The following BIN3 variants were observed in gnomAD, a reference collection of about 807,000 sequenced individuals.
BIN3 encodes bridging integrator 3.
A neutral mutation model predicts 38.2 loss-of-function variants in BIN3; 41 were observed. The observed-to-expected ratio is 1.07, with a 90% CI of 0.84 to 1.39. The LOEUF (loss-of-function observed/expected upper bound fraction) is 1.39, where lower values mean the gene tolerates loss of function less well. BIN3 is among the 40% of genes most tolerant of loss of function. The pLI is 0.00. For synonymous variants in BIN3, 145 were observed against 122.6 expected (o/e 1.18, Z -1.21); for missense variants, 361 against 324.3 (o/e 1.11, Z -0.87).
At chr8:22,652,123 C>T (rs544299514) in intron 1 of BIN3, among the ~76,000 whole-genome samples, 1 of 152,060 alleles carries the variant, frequency 6.6e-6, no homozygotes, top group East Asian at 1.9e-4. Context: ...TTAACAACAG[C>T]TTTAATTAAA....
intron 1 of BIN3, among the ~76,000 whole-genome samples, chr8:22,649,516 G>A (rs1458474800): frequency 1.3e-5 from 2 of 152,112 alleles, no homozygotes; most frequent in African/African-American, 2.4e-5. Context: ...ACCCAGCCAC[G>A]ATTCCGCATC....
In BIN3 at chr8:22,630,649, G is replaced by A. The variant is rs939612543; in HGVS notation, c.161-71C>T. The A allele has an allele frequency of 5.2e-5, 82 of 1,567,256 alleles. No individual in the cohort carries two copies. The African/African-American group carries it at 7.2e-4, about 14-fold the overall frequency. On this transcript the variant is annotated intron_variant, in intron 4 of 8. Coordinates refer to ENST00000276416, the MANE Select transcript of BIN3 (RefSeq NM_018688.6). ...TTCACGGCCTTCTCTCCAGGACCCC[G>A]TCCTCCTATGCCAGGGGCCTGCACC...
chr8:22,667,810 G>C (rs1261140827), intron 1 of BIN3, among the ~76,000 whole-genome samples: 1 of 152,122 alleles, frequency 6.6e-6, no homozygotes, highest in East Asian at 1.9e-4. Context: ...CTTGGTCTAA[G>C]AAACAGGTGG....
At chr8:22,622,396 T>G (rs990116289) in intron 8 of BIN3, 2 of 152,246 alleles carry the variant, frequency 1.3e-5, no homozygotes, top group Non-Finnish European at 2.9e-5. Context: ...CGGCTGATAC[T>G]CCTGAGGCGA....
At chr8:22,644,886 T>C in intron 1 of BIN3, 83 bp from the exon 2 acceptor site, 2 of 1,274,658 alleles carry the variant, frequency 1.6e-6, no homozygotes, top group Non-Finnish European at 2.2e-6. Flanking sequence ...ACAGGCCACT[T>C]TCCCCCAGGA....
intron 1 of BIN3, among the ~76,000 whole-genome samples, chr8:22,657,313 A>G (rs957200309): frequency 1.3e-5 from 2 of 152,258 alleles, no homozygotes; most frequent in Non-Finnish European, 2.9e-5. Flanking sequence ...GAAAGGTAGT[A>G]TCATTGTCTT....
rs1170070585 is a variant in BIN3, at chr8:22,621,184, TAAA to T, written c.*235_*237del. The stretch of plus-strand genomic sequence containing the variant: ...GATGCATGCTGGACGGTTCTCCAAA[TAAA>T]AAAGCCCCAAGGGTTTGTCTACACT... On this transcript the variant is annotated 3_prime_UTR_variant, in exon 9 of 9. Transcript: ENST00000276416. 7 of 539,268 alleles carry T rather than the reference TAAA, an allele frequency of 1.3e-5. No individual in the cohort carries two copies. Among genetic ancestry groups the T allele is most frequent in the Non-Finnish European group, 2.0e-5 (6 of 305,018 alleles). The allele number at this position is 539,268 out of a possible 1,614,324, so 33.4% of individuals were successfully genotyped here.
intron 1 of BIN3, among the ~76,000 whole-genome samples, chr8:22,645,926 T>G (rs1802700177): frequency 6.6e-6 from 1 of 152,234 alleles, no homozygotes; most frequent in Non-Finnish European, 1.5e-5. Context: ...AGCCCAAGTC[T>G]GCCTTGGACT....
In BIN3 at chr8:22,629,959, C is replaced by G; in HGVS notation, c.338+5G>C. ...CCCCGAGGCCCCCAGGTGACATTTA[C>G]TCACTTTTTTAAGGGCTCGATCACA... On this transcript the variant is annotated splice_donor_5th_base_variant and intron_variant, in intron 6 of 8. Coordinates refer to ENST00000276416, the MANE Select transcript of BIN3 (RefSeq NM_018688.6). 6.2e-7 allele frequency: 1 copy of G among 1,606,520 alleles called. No homozygotes were observed. Among genetic ancestry groups the G allele is most frequent in the Non-Finnish European group, 8.5e-7 (1 of 1,176,012 alleles).
At chr8:22,664,927 C>T (rs1803364321) in intron 1 of BIN3, among the ~76,000 whole-genome samples, 2 of 152,222 alleles carry the variant, frequency 1.3e-5, no homozygotes, top group Non-Finnish European at 2.9e-5. Context: ...CAGAAGTTTA[C>T]CTTCTTTATA....
chr8:22,659,864 C>A (rs1421147458), intron 1 of BIN3, among the ~76,000 whole-genome samples: 1 of 152,318 alleles, frequency 6.6e-6, no homozygotes, highest in Non-Finnish European at 1.5e-5. Context: ...CAGATCTTGA[C>A]ACACAGTAAG....
At chr8:22,650,181 A>G (rs1354323101) in intron 1 of BIN3, among the ~76,000 whole-genome samples, 1 of 152,232 alleles carries the variant, frequency 6.6e-6, no homozygotes, top group Admixed American at 6.5e-5. Flanking sequence ...GTGTGCACTA[A>G]GAGTCATACA....
At chr8:22,642,182 AG>A (rs1802584822) in intron 2 of BIN3, among the ~76,000 whole-genome samples, 1 of 152,178 alleles carries the variant, frequency 6.6e-6, no homozygotes, top group Non-Finnish European at 1.5e-5. Flanking sequence ...TTCCCATGAC[AG>A]GGGCTCCATG....
At chr8:22,651,559 T>C (rs949867660) in intron 1 of BIN3, among the ~76,000 whole-genome samples, 3 of 152,238 alleles carry the variant, frequency 2.0e-5, no homozygotes, top group Non-Finnish European at 2.9e-5. Context: ...TTCTTCTACC[T>C]GCAGGCTAAT....
At chr8:22,662,677 T>C (rs1803272233) in intron 1 of BIN3, among the ~76,000 whole-genome samples, 1 of 152,210 alleles carries the variant, frequency 6.6e-6, no homozygotes, top group Admixed American at 6.5e-5. Context: ...GTTTTCAAAC[T>C]TGAGGTCTTT....
At chr8:22,657,669 C>A (rs1193656767) in intron 1 of BIN3, among the ~76,000 whole-genome samples, 1 of 152,298 alleles carries the variant, frequency 6.6e-6, no homozygotes, top group East Asian at 1.9e-4. Flanking sequence ...ATTCTCCCTG[C>A]GATGAAATGG....
intron 5 of BIN3, 113 bp downstream of exon 5, chr8:22,630,329 G>A (rs1482372925): frequency 2.8e-6 from 4 of 1,440,644 alleles, no homozygotes; most frequent in African/African-American, 2.8e-5. Context: ...AGGCCAGAGG[G>A]CTTAGAGCCC....
chr8:22,646,543 T>A (rs1368147441), intron 1 of BIN3, among the ~76,000 whole-genome samples: 3 of 151,940 alleles, frequency 2.0e-5, no homozygotes, highest in Non-Finnish European at 4.4e-5. Context: ...TGAGTCACAG[T>A]GGTTTAAATT....
intron 4 of BIN3, among the ~76,000 whole-genome samples, chr8:22,633,159 G>A (rs779121180): frequency 5.3e-5 from 8 of 152,210 alleles, no homozygotes; most frequent in Non-Finnish European, 1.2e-4. Context: ...CAGAGCTGGG[G>A]TAGATGACAC....
Sources: allele counts gnomAD v4.1 joint callset (sites outside exome capture counted in the v4.1 genomes callset), GRCh38; gene constraint gnomAD v4.1.1; transcripts MANE v1.5; gene names NCBI Gene and HGNC (gene_info 2026-07-23, HGNC 2026-07-21).